TLL2: variants seen among roughly 807,000 people sequenced by gnomAD.
TLL2 encodes the protein tolloid-like protein 2.
TLL2 carries 106 observed loss-of-function variants against 123.0 expected under a neutral mutation model. That is an observed-to-expected ratio of 0.86 (90% confidence interval 0.74 to 1.01). TLL2 has a LOEUF of 1.01. Among genes scored for constraint, TLL2 ranks in the 50% least tolerant of loss-of-function variants. The pLI, the probability that TLL2 is intolerant of heterozygous loss-of-function variation, is 0.00. For synonymous variants in TLL2, 494 were observed against 516.8 expected (o/e 0.96, Z 0.60); for missense variants, 1,332 against 1,336.7 (o/e 1.00, Z 0.06).
At chr10:96,477,334 G>C (rs2134102679) in intron 2 of TLL2, among the ~76,000 whole-genome samples, 1 of 142,914 alleles carries the variant, frequency 7.0e-6, no homozygotes, top group East Asian at 2.0e-4. Flanking sequence ...TTCTCCACTT[G>C]TTTTAATTTT....
intron 1 of TLL2, among the ~76,000 whole-genome samples, chr10:96,492,426 C>A (rs1847423740): frequency 6.6e-6 from 1 of 152,190 alleles, no homozygotes; most frequent in Admixed American, 6.5e-5. Flanking sequence ...GGGTTTGAGA[C>A]CAGCCTGACC....
chr10:96,413,515 C>T (rs1479383126), intron 7 of TLL2, among the ~76,000 whole-genome samples, 199 bp from the exon 8 acceptor site: 1 of 152,186 alleles, frequency 6.6e-6, no homozygotes, highest in Non-Finnish European at 1.5e-5. Flanking sequence ...CAGCTGCCTA[C>T]TCGCTTTCCA....
chr10:96,465,446 G>C (rs982416260), intron 2 of TLL2, among the ~76,000 whole-genome samples: 1 of 152,160 alleles, frequency 6.6e-6, no homozygotes, highest in Non-Finnish European at 1.5e-5. Context: ...TGCCTTTTCT[G>C]TGTCCCATCC....
At chr10:96,391,534 CAG>C (rs2134060805) in intron 13 of TLL2, among the ~76,000 whole-genome samples, 1 of 152,316 alleles carries the variant, frequency 6.6e-6, no homozygotes, top group Admixed American at 6.5e-5. Flanking sequence ...TTAGTGGAAA[CAG>C]AGCGGATTGT....
intron 9 of TLL2, among the ~76,000 whole-genome samples, chr10:96,408,039 G>T (rs1451567329): frequency 1.3e-5 from 2 of 152,230 alleles, no homozygotes; most frequent in Non-Finnish European, 2.9e-5. Flanking sequence ...CCTGGGAGTG[G>T]GGGGAGGGGG....
intron 6 of TLL2, among the ~76,000 whole-genome samples, chr10:96,421,282 C>T (rs1406224346): frequency 2.0e-5 from 3 of 152,120 alleles, no homozygotes; most frequent in African/African-American, 7.2e-5. Flanking sequence ...AAGACCTATC[C>T]CCAAATGCCA....
chr10:96,377,099 C>T (rs1412414137), intron 17 of TLL2, among the ~76,000 whole-genome samples: 3 of 152,206 alleles, frequency 2.0e-5, no homozygotes, highest in Admixed American at 1.3e-4. Flanking sequence ...AAAGCACTGG[C>T]AGTGGGGTCA....
chr10:96,442,226 T>G (rs1358212262), intron 3 of TLL2, among the ~76,000 whole-genome samples: 8 of 152,242 alleles, frequency 5.3e-5, no homozygotes, highest in Admixed American at 3.9e-4. Flanking sequence ...CCGTCAGGGC[T>G]GAGGGGAGCC....
chr10:96,374,204 A>G, intron 18 of TLL2: 1 of 226,690 alleles, frequency 4.4e-6, no homozygotes, highest in South Asian at 7.5e-5. Context: ...AAGAGCCAGC[A>G]AGGGCTGAGT....
At chr10:96,405,435 C>A in intron 9 of TLL2, 101 bp from the exon 10 acceptor site, 1 of 1,016,144 alleles carries the variant, frequency 9.8e-7, no homozygotes, top group South Asian at 1.4e-5. Context: ...CTTTAGCATG[C>A]AGAACTTTCA....
chr10:96,474,242 A>G (rs889069241), intron 2 of TLL2, among the ~76,000 whole-genome samples: 31 of 152,102 alleles, frequency 2.0e-4, no homozygotes. Context: ...CGGCTGCCAC[A>G]TCCTCCAGCA....
At chr10:96,430,948 AT>A (rs1431420962) in intron 4 of TLL2, among the ~76,000 whole-genome samples, 7 of 152,138 alleles carry the variant, frequency 4.6e-5, no homozygotes, top group South Asian at 4.2e-4. Context: ...TTAACTGTCC[AT>A]TTTTTTTCTG....
intron 2 of TLL2, among the ~76,000 whole-genome samples, chr10:96,448,328 T>A (rs894236972): frequency 3.3e-5 from 5 of 152,202 alleles, no homozygotes; most frequent in African/African-American, 4.8e-5. Flanking sequence ...CCTGATGGTA[T>A]GAAATCTCTC....
At chr10:96,478,875 G>A (rs898598003) in intron 2 of TLL2, among the ~76,000 whole-genome samples, 14 of 152,114 alleles carry the variant, frequency 9.2e-5, no homozygotes, top group African/African-American at 3.4e-4. Flanking sequence ...TCCCATGGGC[G>A]TGTACATATG....
chr10:96,371,879 G>C (rs1007502109), intron 19 of TLL2, among the ~76,000 whole-genome samples: 3 of 152,184 alleles, frequency 2.0e-5, no homozygotes, highest in African/African-American at 7.2e-5. Flanking sequence ...TTAGGTCACA[G>C]CTGCAGCCAG....
At chr10:96,375,945 C>T (rs1044140367) in intron 18 of TLL2, among the ~76,000 whole-genome samples, 2 of 152,160 alleles carry the variant, frequency 1.3e-5, no homozygotes, top group African/African-American at 4.8e-5. Context: ...TCTTTATTCT[C>T]CAAAGTGTGG....
At position 96,422,676 on chromosome 10, in the gene TLL2, A is replaced by G. The variant is rs996520616; in HGVS notation, c.690T>C (p.Ile230=). 17 of 1,614,108 alleles carry G rather than the reference A, an allele frequency of 1.1e-5. No homozygotes were observed. The highest frequency in any genetic ancestry group is 2.7e-5 in the African/African-American group (2 of 74,948). ...RRGGGPQAIS[I]GKNCDKFGIV... Reference sequence around the variant, plus strand: ...TGCCAAACTTGTCACAGTTCTTCCCAATGGATATGGCCTGTGGGCCTCCTC... The same window carrying G: ...TGCCAAACTTGTCACAGTTCTTCCCGATGGATATGGCCTGTGGGCCTCCTC... The change falls in exon 6 of 21, where the codon ATT becomes ATC. Residue 230 remains isoleucine, a synonymous_variant. Coordinates refer to ENST00000357947, the MANE Select transcript of TLL2 (RefSeq NM_012465.4).
rs374362679 is a variant in TLL2, at chr10:96,406,404, C to T, written c.1165-1070G>A. Among the ~76,000 whole-genome samples the T allele has an allele frequency of 6.2e-4, 94 of 152,228 alleles. 1 individual carries two copies. In the South Asian group the frequency reaches 0.019, roughly 30 times the overall value. Reference sequence around the variant, plus strand: ...CCATCACGTCTCCACTCTTCCTCATCTCCAGCCCTGACCCAGCCCCTGCAC... The same window carrying T: ...CCATCACGTCTCCACTCTTCCTCATTTCCAGCCCTGACCCAGCCCCTGCAC... On this transcript the variant is annotated intron_variant, in intron 9 of 20. Transcript: ENST00000357947.
Position 96,397,218 on chromosome 10 carries a change from ATGT to A in TLL2, c.1349_1351del (p.Asn450del). On this transcript the variant is annotated inframe_deletion, in exon 11 of 21. Transcript: ENST00000357947. ...CGCTGCAAAGAAGCCCTTGCCCAAG[ATGT>A]TGCTGCTGCTGCGGAACTCCACCCA... 1 of 1,613,844 alleles carries A rather than the reference ATGT, an allele frequency of 6.2e-7. No individual in the cohort carries two copies. Among genetic ancestry groups the A allele is most frequent in the Non-Finnish European group, 8.5e-7 (1 of 1,179,860 alleles).
Sources: gnomAD v4.1 joint callset for allele counts (sites outside exome capture counted in the v4.1 genomes callset) on GRCh38, gnomAD v4.1.1 for gene constraint, MANE v1.5 for transcripts, NCBI Gene and HGNC (gene_info 2026-07-23, HGNC 2026-07-21) for gene names.